The following NUP205 variants were observed in gnomAD, a reference collection of about 807,000 sequenced individuals.
The protein encoded by NUP205 is nuclear pore complex protein Nup205.
A neutral mutation model predicts 253.8 loss-of-function variants in NUP205; 76 were observed. The ratio of observed to expected loss-of-function variants is 0.30; its 90% CI spans 0.25 to 0.36. The LOEUF is 0.36. Among genes scored for constraint, NUP205 ranks in the 10% least tolerant of loss-of-function variants. The pLI is 1.00. For synonymous variants in NUP205, 832 were observed against 850.1 expected, an observed-to-expected ratio of 0.98 and a Z score of 0.37; for missense variants, 2,162 against 2,425.5, an observed-to-expected ratio of 0.89 and a Z score of 2.28.
At position 135,645,537 on chromosome 7, in the gene NUP205, C is replaced by A. The variant is rs752913026; in HGVS notation, c.5753C>A (p.Thr1918Lys). The change falls in exon 41 of 43, where the codon ACG becomes AAG. Residue 1918 changes from threonine to lysine, a missense_variant. By Grantham distance (78) the Thr-to-Lys change is moderately conservative. Around this residue, in one of 5 missense-constraint regions of NUP205, gnomAD observed 1,144 missense variants for 1,280.9 expected, o/e 0.89. Transcript: ENST00000285968. ...TACTACTTGTTACATTGCATGCCCA[C>A]GGATTCTCAAGATTCCTTATTTGCC... ...LEYYLLHCMP[T>K]DSQDSLFASR... The A allele has an allele frequency of 2.2e-5, 35 of 1,613,906 alleles. No individual in the cohort carries two copies. Among genetic ancestry groups the A allele is most frequent in the Non-Finnish European group, 3.0e-5 (35 of 1,179,904 alleles).
In NUP205 at chr7:135,648,654, T is replaced by C; in HGVS notation, c.*98T>C. Reference sequence around the variant, plus strand: ...TTTCTAAATTATGACCAAAAATATTTTGCTATTTCTTTCTTTGTATATGGA... The same window carrying C: ...TTTCTAAATTATGACCAAAAATATTCTGCTATTTCTTTCTTTGTATATGGA... On this transcript the variant is annotated 3_prime_UTR_variant, in exon 43 of 43. Transcript: ENST00000285968. The C allele has an allele frequency of 9.7e-7, 1 of 1,025,738 alleles. No individual in the cohort carries two copies. The allele number at this position is 1,025,738 out of a possible 1,614,324, so 63.5% of individuals were successfully genotyped here.
chr7:135,638,164 C>T, intron 37 of NUP205, 105 bp downstream of exon 37: 1 of 1,213,090 alleles, frequency 8.2e-7, no homozygotes. Context: ...AATCCCAGCA[C>T]TTTGGGAGGC....
At chr7:135,573,224 T>G (rs1806051088) in intron 2 of NUP205, among the ~76,000 whole-genome samples, 1 of 152,214 alleles carries the variant, frequency 6.6e-6, no homozygotes, top group African/African-American at 2.4e-5. Context: ...TTGCACCAAA[T>G]TATCTTTTAG....
intron 38 of NUP205, among the ~76,000 whole-genome samples, chr7:135,640,109 G>A (rs1388873536): frequency 6.6e-6 from 1 of 152,182 alleles, no homozygotes; most frequent in African/African-American, 2.4e-5. Flanking sequence ...TCTAATGCAT[G>A]TTTGGCTTAA....
chr7:135,615,710 TA>T (rs1794341628), intron 23 of NUP205, among the ~76,000 whole-genome samples: 1 of 152,226 alleles, frequency 6.6e-6, no homozygotes, highest in Non-Finnish European at 1.5e-5. Context: ...CCATCTTTCG[TA>T]AATTTATACT....
Position 135,591,491 on chromosome 7 carries a change from G to A in NUP205, c.1515G>A (p.Leu505=), listed in dbSNP as rs146225677. The change falls in exon 11 of 43, where the codon TTG becomes TTA. Residue 505 remains leucine, a synonymous_variant. Coordinates refer to ENST00000285968, the MANE Select transcript of NUP205 (RefSeq NM_015135.3). ...SKFVRQMGDL[L]PPTIYIPYLK... is the part of the protein sequence containing the mutation. Reference sequence around the variant, plus strand: ...TTGTTAGGCAAATGGGTGACCTGTTGCCTCCAACTATTTATATTCCTTATT... The same window carrying A: ...TTGTTAGGCAAATGGGTGACCTGTTACCTCCAACTATTTATATTCCTTATT... 2.0e-3 allele frequency: 3,205 copies of A among 1,613,900 alleles called. 6 individuals carry two copies. Among genetic ancestry groups the A allele is most frequent in the Non-Finnish European group, 2.4e-3 (2,882 of 1,179,868 alleles).
intron 24 of NUP205, 88 bp downstream of exon 24, chr7:135,616,153 A>G (rs1236068650): frequency 8.3e-6 from 10 of 1,207,576 alleles, no homozygotes; most frequent in African/African-American, 7.8e-5. Context: ...GTATGTGACT[A>G]TAGACCAAAA....
At chr7:135,643,163 A>G in intron 38 of NUP205, 29 bp from the exon 39 acceptor site, 2 of 1,592,316 alleles carry the variant, frequency 1.3e-6, no homozygotes, top group Non-Finnish European at 1.7e-6. Flanking sequence ...TATAAGTGGA[A>G]CATTGTTTTA....
intron 1 of NUP205, among the ~76,000 whole-genome samples, chr7:135,570,691 A>AT (rs1563109900): frequency 1.4e-5 from 1 of 73,350 alleles, no homozygotes; most frequent in African/African-American, 4.5e-5. Flanking sequence ...TAATTATATT[A>AT]ATATAATTAA....
intron 4 of NUP205, 141 bp downstream of exon 4, chr7:135,576,555 C>G: frequency 2.8e-6 from 2 of 714,534 alleles, no homozygotes; most frequent in Non-Finnish European, 4.5e-6. Flanking sequence ...ACAGATATAA[C>G]AATTTAAACC....
At chr7:135,621,120 C>A (rs1310438650) in intron 30 of NUP205, among the ~76,000 whole-genome samples, 1 of 152,200 alleles carries the variant, frequency 6.6e-6, no homozygotes, top group Non-Finnish European at 1.5e-5. Flanking sequence ...TTAAAAACCA[C>A]TGTGTACGTA....
At position 135,577,026 on chromosome 7, in the gene NUP205, G is replaced by A. The variant is rs755902399; in HGVS notation, c.546G>A (p.Leu182=). 10 of 1,613,980 alleles carry A rather than the reference G, an allele frequency of 6.2e-6. No individual in the cohort carries two copies. The East Asian group carries it at 1.3e-4, about 22-fold the overall frequency. ...CAGATGAGCTGATGGAGCAAGGATT[G>A]ACTTATAAAGTTCTTACGCTGGTGT... The part of the protein sequence containing the change: ...RFTDELMEQG[L]TYKVLTLVSQ... Residue 182 remains leucine (L), a synonymous_variant, in exon 5 of 43, where the codon TTG becomes TTA. Transcript: ENST00000285968.
At position 135,638,538 on chromosome 7, in the gene NUP205, T is replaced by A; in HGVS notation, c.5266-19T>A. ...CATTTCAGGGTCTTAACATTTTTGTTACTGTTTTTTGATTATAGATTTGTG... is the reference window on the plus strand; with the variant it reads ...CATTTCAGGGTCTTAACATTTTTGTAACTGTTTTTTGATTATAGATTTGTG... On this transcript the variant is annotated intron_variant, in intron 37 of 42. Coordinates refer to ENST00000285968, the MANE Select transcript of NUP205 (RefSeq NM_015135.3). 6.2e-7 allele frequency: 1 copy of A among 1,611,224 alleles called. No homozygotes were observed. Among genetic ancestry groups the A allele is most frequent in the Non-Finnish European group, 8.5e-7 (1 of 1,178,576 alleles).
intron 33 of NUP205, among the ~76,000 whole-genome samples, chr7:135,627,527 G>C (rs1008553843): frequency 1.3e-5 from 2 of 152,156 alleles, no homozygotes; most frequent in Non-Finnish European, 2.9e-5. Context: ...CTGCAACACT[G>C]CTGGTACCAA....
At chr7:135,559,567 C>T (rs1394980337) in intron 1 of NUP205, among the ~76,000 whole-genome samples, 3 of 151,864 alleles carry the variant, frequency 2.0e-5, no homozygotes, top group Non-Finnish European at 4.4e-5. Flanking sequence ...GGTGGGGTTT[C>T]TCCATGTTGG....
Position 135,607,666 on chromosome 7 carries a change from T to A in NUP205, c.3195+295T>A, listed in dbSNP as rs115898065. 7.2e-3 allele frequency among the ~76,000 whole-genome samples: 1,093 copies of A among 152,330 alleles called. 18 individuals are homozygous for A. Among genetic ancestry groups the A allele is most frequent in the African/African-American group, 0.025 (1,024 of 41,574 alleles). ...CTGTGTTTAAAGTAGCTCCTTCTGA[T>A]GGGTCAGAAGACCTCTGGTTCCCAT... is the stretch of plus-strand genomic sequence containing the variant. On this transcript the variant is annotated intron_variant, in intron 22 of 42. Transcript: ENST00000285968.
chr7:135,616,862 C>T, intron 25 of NUP205, 136 bp downstream of exon 25: 1 of 638,278 alleles, frequency 1.6e-6, no homozygotes. Context: ...TTAATTGCCA[C>T]CTGAAAATTT....
intron 17 of NUP205, among the ~76,000 whole-genome samples, chr7:135,601,892 A>G (rs1793974524): frequency 6.6e-6 from 1 of 152,254 alleles, no homozygotes; most frequent in Non-Finnish European, 1.5e-5. Context: ...TATTATTACC[A>G]CTAATTATTA....
At chr7:135,572,942 CTTT>C (rs1186445399) in intron 2 of NUP205, among the ~76,000 whole-genome samples, 5 of 137,510 alleles carry the variant, frequency 3.6e-5, no homozygotes, top group Non-Finnish European at 7.9e-5. Context: ...TGCTTTTTAG[CTTT>C]TTTTTTTTTT....
Sources: gnomAD v4.1 joint callset for allele counts (sites outside exome capture counted in the v4.1 genomes callset) on GRCh38, gnomAD v4.1.1 for gene constraint, gnomAD v4.1.1 regional missense constraint, MANE v1.5 for transcripts, NCBI Gene and HGNC (gene_info 2026-07-23, HGNC 2026-07-21) for gene names.